The following MALRD1 variants were observed in gnomAD, a reference collection of about 807,000 sequenced individuals.
MALRD1 encodes MAM and LDL receptor class A domain containing 1.
A neutral mutation model predicts 242.1 loss-of-function variants in MALRD1; 247 were observed. The ratio of observed to expected loss-of-function variants is 1.02; its 90% CI spans 0.92 to 1.13. The LOEUF (loss-of-function observed/expected upper bound fraction) is 1.13. Ranked by LOEUF, MALRD1 falls within the 50% of genes most tolerant of loss-of-function variation. The pLI is 0.00. For synonymous variants in MALRD1, 995 were observed against 866.6 expected (o/e 1.15, Z -2.60); for missense variants, 2,989 against 2,533.1 (o/e 1.18, Z -3.86).
chr10:19,115,840 C>T (rs1272382203), intron 5 of MALRD1, among the ~76,000 whole-genome samples: 3 of 152,040 alleles, frequency 2.0e-5, no homozygotes, highest in Non-Finnish European at 4.4e-5. Context: ...CACGGCACTG[C>T]ACTCCAGCCT....
intron 36 of MALRD1, among the ~76,000 whole-genome samples, chr10:19,649,322 C>T (rs1271692631): frequency 6.6e-6 from 1 of 152,166 alleles, no homozygotes; most frequent in African/African-American, 2.4e-5. Context: ...CAGTGCTTTC[C>T]AGAATAATTG....
chr10:19,165,258 TATA>T (rs200268999), intron 12 of MALRD1, among the ~76,000 whole-genome samples: 28,938 of 132,166 alleles, frequency 0.22, 4,910 homozygotes, highest in Admixed American at 0.31. Flanking sequence ...TATATATATA[TATA>T]TATATTTTGT....
At position 19,709,973 on chromosome 10, in the gene MALRD1, C is replaced by T. The variant is rs1001808596; in HGVS notation, c.6314+17419C>T. On this transcript the variant is annotated intron_variant, in intron 38 of 39. Coordinates refer to ENST00000454679, the MANE Select transcript of MALRD1 (RefSeq NM_001142308.3). ...CACATTGTGGGAATTTTATAAATAA[C>T]GTGTTGGGCAGGTGCAAAATCAGAA... Among the ~76,000 whole-genome samples the T allele has an allele frequency of 4.6e-5, 7 of 152,060 alleles. No homozygotes were observed. The East Asian group carries it at 5.8e-4, about 13-fold the overall frequency.
chr10:19,725,115 A>G (rs1834957855), intron 38 of MALRD1: 1 of 152,224 alleles, frequency 6.6e-6, no homozygotes, highest in Non-Finnish European at 1.5e-5. Flanking sequence ...GTTCATGGAA[A>G]GGAGGACAAT....
At chr10:19,351,152 C>G (rs1844359185) in intron 25 of MALRD1, among the ~76,000 whole-genome samples, 1 of 152,110 alleles carries the variant, frequency 6.6e-6, no homozygotes, top group Admixed American at 6.5e-5. Flanking sequence ...TATGTGACTG[C>G]TAGTGTTTCA....
rs1437950708 is a variant in MALRD1, at chr10:19,600,864, A to G, written c.5944+5407A>G. Among the ~76,000 whole-genome samples the G allele has an allele frequency of 2.0e-5, 3 of 152,202 alleles. No individual in the cohort carries two copies. In the East Asian group the frequency reaches 5.8e-4, roughly 29 times the overall value. ...AGAATACCAATTTCTAGGATGATAG[A>G]TGAAATAACTATTTTTGTTTGTTTC... On this transcript the variant is annotated intron_variant, in intron 34 of 39. Coordinates refer to ENST00000454679, the MANE Select transcript of MALRD1 (RefSeq NM_001142308.3).
chr10:19,670,019 G>A (rs1054933684), intron 36 of MALRD1, among the ~76,000 whole-genome samples: 1 of 151,292 alleles, frequency 6.6e-6, no homozygotes, highest in African/African-American at 2.4e-5. Flanking sequence ...TGAACAATAT[G>A]CATAAAATAA....
intron 38 of MALRD1, among the ~76,000 whole-genome samples, chr10:19,715,191 G>A (rs1480647130): frequency 6.6e-6 from 1 of 151,588 alleles, no homozygotes; most frequent in African/African-American, 2.4e-5. Flanking sequence ...CAAACATTTT[G>A]GTCTCAACAT....
chr10:19,370,480 G>T (rs565280649), intron 26 of MALRD1, among the ~76,000 whole-genome samples: 2 of 152,018 alleles, frequency 1.3e-5, no homozygotes, highest in East Asian at 3.9e-4. Flanking sequence ...TAATGTTATC[G>T]TTAAGTCATA....
chr10:19,224,407 C>T (rs542583518), intron 18 of MALRD1, among the ~76,000 whole-genome samples: 1 of 152,128 alleles, frequency 6.6e-6, no homozygotes, highest in African/African-American at 2.4e-5. Context: ...CTGCCTTAGC[C>T]TCTTGAGTAG....
At chr10:19,662,747 T>G (rs927020712) in intron 36 of MALRD1, among the ~76,000 whole-genome samples, 4 of 152,150 alleles carry the variant, frequency 2.6e-5, no homozygotes, top group African/African-American at 9.7e-5. Flanking sequence ...TTCATCAGGG[T>G]GACTTGGCCT....
intron 34 of MALRD1, among the ~76,000 whole-genome samples, chr10:19,602,007 A>G (rs1838364679): frequency 1.3e-5 from 2 of 151,976 alleles, no homozygotes; most frequent in African/African-American, 4.8e-5. Flanking sequence ...ATAGACACAT[A>G]TTTTTGTGTG....
At chr10:19,222,994 G>A (rs569897250) in intron 18 of MALRD1, among the ~76,000 whole-genome samples, 2 of 152,194 alleles carry the variant, frequency 1.3e-5, no homozygotes, top group South Asian at 2.1e-4. Context: ...AGAGCAAAGC[G>A]ATCTATACCT....
chr10:19,587,651 G>T (rs1837506836), intron 33 of MALRD1, among the ~76,000 whole-genome samples: 1 of 152,190 alleles, frequency 6.6e-6, no homozygotes, highest in African/African-American at 2.4e-5. Context: ...AATGAACAAT[G>T]AAACTTAACG....
intron 14 of MALRD1, among the ~76,000 whole-genome samples, chr10:19,186,811 G>T (rs1835754857): frequency 6.6e-6 from 1 of 151,998 alleles, no homozygotes; most frequent in African/African-American, 2.4e-5. Context: ...AAACTATTCA[G>T]TTCTTCTCTT....
At chr10:19,611,059 A>G (rs977888779) in intron 35 of MALRD1, among the ~76,000 whole-genome samples, 4 of 151,996 alleles carry the variant, frequency 2.6e-5, no homozygotes, top group Non-Finnish European at 5.9e-5. Flanking sequence ...TCCCCCCAGT[A>G]TAGAAAGATG....
intron 31 of MALRD1, 133 bp downstream of exon 31, chr10:19,498,779 G>A (rs1397793117): frequency 1.9e-6 from 2 of 1,076,652 alleles, no homozygotes; most frequent in South Asian, 1.9e-5. Flanking sequence ...ATGGAAAGAG[G>A]GCTAGTCTCT....
chr10:19,580,866 C>T (rs1290361798), intron 33 of MALRD1, among the ~76,000 whole-genome samples: 3 of 152,182 alleles, frequency 2.0e-5, no homozygotes, highest in Admixed American at 6.5e-5. Context: ...CTTCCTGATT[C>T]CTTATACTAC....
chr10:19,073,414 T>C (rs1054083312), intron 2 of MALRD1, among the ~76,000 whole-genome samples: 1 of 152,122 alleles, frequency 6.6e-6, no homozygotes, highest in Non-Finnish European at 1.5e-5. Context: ...ACTGCAGGTT[T>C]ATCATCCCTT....
Sources: allele counts gnomAD v4.1 joint callset (sites outside exome capture counted in the v4.1 genomes callset), GRCh38; gene constraint gnomAD v4.1.1; transcripts MANE v1.5; gene names NCBI Gene and HGNC (gene_info 2026-07-23, HGNC 2026-07-21).